STXBP3: variants seen among roughly 807,000 people sequenced by gnomAD.
STXBP3 encodes syntaxin-binding protein 3.
Under a neutral mutation model 85.7 loss-of-function variants are expected in STXBP3, and 41 were observed. The ratio of observed to expected loss-of-function variants is 0.48; its 90% CI spans 0.37 to 0.62. STXBP3 has a LOEUF of 0.62. STXBP3 is among the 20% of genes least tolerant of loss of function. The probability of loss-of-function intolerance (pLI) is 0.00; values close to 1 mark genes in which losing one functional copy is unlikely to be tolerated. For missense variants in STXBP3, 563 were observed against 703.1 expected (o/e 0.80, Z 2.25); for synonymous variants, 229 against 231.7 (o/e 0.99, Z 0.10).
intron 3 of STXBP3, among the ~76,000 whole-genome samples, chr1:108,753,365 T>C (rs1661948591): frequency 6.6e-6 from 1 of 151,746 alleles, no homozygotes; most frequent in African/African-American, 2.4e-5. Flanking sequence ...ACTTAATTGC[T>C]TTGTTGAGGT....
At chr1:108,764,898 C>T (rs189514668) in intron 6 of STXBP3, among the ~76,000 whole-genome samples, 4 of 152,248 alleles carry the variant, frequency 2.6e-5, no homozygotes, top group African/African-American at 7.2e-5. Context: ...TTTCATTTGT[C>T]GGTTGTTGCT....
intron 1 of STXBP3, among the ~76,000 whole-genome samples, chr1:108,748,497 G>A (rs1280437928): frequency 2.0e-5 from 3 of 152,136 alleles, no homozygotes; most frequent in African/African-American, 7.2e-5. Flanking sequence ...ACTCCAGCCT[G>A]GGTGACAGAG....
intron 1 of STXBP3, among the ~76,000 whole-genome samples, chr1:108,751,420 T>C (rs1391681660): frequency 1.3e-5 from 2 of 152,134 alleles, no homozygotes; most frequent in Non-Finnish European, 2.9e-5. Flanking sequence ...ACCAAAAACT[T>C]GTTGATAAAT....
chr1:108,771,370 ATATATATATAATATATAAATATATAT>A (rs1557805362), intron 6 of STXBP3, among the ~76,000 whole-genome samples: 7 of 105,908 alleles, frequency 6.6e-5, no homozygotes, highest in African/African-American at 2.5e-4. Context: ...ATATATATCT[ATATATATATAATATATAAATATATAT>A]GATATATATC....
intron 1 of STXBP3, among the ~76,000 whole-genome samples, chr1:108,749,948 T>C (rs1462837835): frequency 6.6e-6 from 1 of 152,210 alleles, no homozygotes; most frequent in Non-Finnish European, 1.5e-5. Context: ...CCTTTTTTTG[T>C]GCTAAGGTTT....
chr1:108,802,667 C>A (rs1271773613), intron 17 of STXBP3, among the ~76,000 whole-genome samples: 5 of 152,296 alleles, frequency 3.3e-5, no homozygotes, highest in African/African-American at 1.2e-4. Flanking sequence ...AAATGCTTCT[C>A]AATTTGTTGT....
At chr1:108,782,298 A>T in intron 9 of STXBP3, 124 bp from the exon 10 acceptor site, 1 of 721,386 alleles carries the variant, frequency 1.4e-6, no homozygotes. Context: ...TTACCCCCCT[A>T]AAATAGTGGA....
intron 6 of STXBP3, among the ~76,000 whole-genome samples, chr1:108,763,886 C>CT (rs1203017590): frequency 2.0e-5 from 3 of 151,964 alleles, no homozygotes; most frequent in African/African-American, 7.2e-5. Flanking sequence ...CTGGCCCTAA[C>CT]TTTTTTTGTT....
intron 6 of STXBP3, among the ~76,000 whole-genome samples, chr1:108,762,564 A>G (rs1662161760): frequency 6.6e-6 from 1 of 152,182 alleles, no homozygotes; most frequent in Non-Finnish European, 1.5e-5. Flanking sequence ...ATTTTAAAAT[A>G]TCTTCTGTAA....
intron 1 of STXBP3, among the ~76,000 whole-genome samples, chr1:108,748,188 T>C (rs927694950): frequency 2.6e-5 from 4 of 152,170 alleles, no homozygotes; most frequent in African/African-American, 9.7e-5. Flanking sequence ...ACATTTTAAA[T>C]TGCTTTTTAA....
intron 17 of STXBP3, among the ~76,000 whole-genome samples, chr1:108,802,452 G>C (rs901991821): frequency 6.6e-6 from 1 of 152,094 alleles, no homozygotes; most frequent in Admixed American, 6.6e-5. Flanking sequence ...CCCATCCTAA[G>C]TTGAGACCAC....
At chr1:108,798,277 T>C in intron 16 of STXBP3, 40 bp downstream of exon 16, 1 of 1,493,140 alleles carries the variant, frequency 6.7e-7, no homozygotes, top group Non-Finnish European at 9.3e-7. Context: ...CTGAGTGCCC[T>C]CTTTAGAGTA....
chr1:108,746,863 C>T, intron 1 of STXBP3, 77 bp downstream of exon 1: 1 of 1,483,280 alleles, frequency 6.7e-7, no homozygotes, highest in South Asian at 1.2e-5. Context: ...GCAGCCCCAA[C>T]CCAGCGGTCT....
At chr1:108,757,324 GAT>G (rs1662043464) in intron 4 of STXBP3, among the ~76,000 whole-genome samples, 1 of 151,842 alleles carries the variant, frequency 6.6e-6, no homozygotes, top group Admixed American at 6.6e-5. Flanking sequence ...TTGAAAACCT[GAT>G]CTCTCACTTA....
intron 12 of STXBP3, among the ~76,000 whole-genome samples, chr1:108,794,339 G>T (rs1030099155): frequency 1.3e-5 from 2 of 152,158 alleles, no homozygotes; most frequent in Non-Finnish European, 2.9e-5. Context: ...AAAGGAAAGC[G>T]GTCTAATTGA....
In STXBP3 at chr1:108,776,360, TG is replaced by T; in HGVS notation, c.622del (p.Ala208HisfsTer19). 1 of 1,609,246 alleles carries T rather than the reference TG, an allele frequency of 6.2e-7. No homozygotes were observed. On this transcript the variant is annotated frameshift_variant, in exon 8 of 19. Transcript: ENST00000370008. LOFTEE classifies it high-confidence loss of function. ...SKPLDNASKL[A>X]QLVEKKLEDY... ...AACCTCTAGATAATGCCAGTAAGCT[TG>T]CACAGCTTGTTGAAAAAAAGCTTGA... is the stretch of plus-strand genomic sequence containing the variant.
intron 4 of STXBP3, 105 bp from the exon 5 acceptor site, chr1:108,758,405 A>T: frequency 1.8e-6 from 1 of 544,690 alleles, no homozygotes; most frequent in South Asian, 4.1e-5. Flanking sequence ...TAGCCAGTAA[A>T]GTTTTATTTT....
rs774099213 is a variant in STXBP3 at position 108,752,260 on chromosome 1, T to G, written c.53T>G (p.Ile18Arg). The G allele has an allele frequency of 1.4e-5, 23 of 1,609,978 alleles. No homozygotes were observed. Among genetic ancestry groups the G allele is most frequent in the Non-Finnish European group, 1.4e-5 (17 of 1,177,872 alleles). Residue 18 changes from isoleucine to arginine, a missense_variant, in exon 2 of 19, where the codon ATA becomes AGA. Coordinates refer to ENST00000370008, the MANE Select transcript of STXBP3 (RefSeq NM_007269.4). ...AATTCCTTTCTTTTTTAAACAGAGA[T>G]AAAAGCAACAGTGTTTGATGACTGC... ...RGLKSVVWQK[I>R]KATVFDDCKK...
chr1:108,798,131 T>G lies in STXBP3; in HGVS notation c.1357-14T>G. 6.3e-7 allele frequency: 1 copy of G among 1,579,070 alleles called. No individual in the cohort carries two copies. Among genetic ancestry groups the G allele is most frequent in the East Asian group, 2.3e-5 (1 of 44,300 alleles). ...AATTACTGGTTTTTAATTTTTTTCC[T>G]CTAATTGTATTAGTCTCAACAAGGC... On this transcript the variant is annotated splice_polypyrimidine_tract_variant and intron_variant, in intron 15 of 18. Transcript: ENST00000370008.
Sources: gnomAD v4.1 joint callset for allele counts (sites outside exome capture counted in the v4.1 genomes callset) on GRCh38, gnomAD v4.1.1 for gene constraint, MANE v1.5 for transcripts, NCBI Gene and HGNC (gene_info 2026-07-23, HGNC 2026-07-21) for gene names.